The following CACNA1C variants were observed in gnomAD, a reference collection of about 807,000 sequenced individuals.
CACNA1C encodes the protein calcium voltage-gated channel subunit alpha1 C.
In CACNA1C, 30 loss-of-function variants were observed where a neutral mutation model predicts 229.0. That is an observed-to-expected ratio of 0.13 (90% CI 0.10 to 0.18). The LOEUF is 0.18. CACNA1C is among the 10% of genes least tolerant of loss of function. The pLI, the probability that CACNA1C is intolerant of heterozygous loss-of-function variation, is 1.00. For missense variants in CACNA1C, 1,658 were observed against 2,845.0 expected, an observed-to-expected ratio of 0.58 and a Z score of 9.49; for synonymous variants, 1,114 against 1,132.5, an observed-to-expected ratio of 0.98 and a Z score of 0.33.
At chr12:2,457,493 T>C in intron 4 of CACNA1C, 74 bp from the exon 5 acceptor site, 1 of 1,515,858 alleles carries the variant, frequency 6.6e-7, no homozygotes, top group African/African-American at 1.4e-5. Flanking sequence ...CCGGGCTGTA[T>C]CCAGAGGTCA....
intron 1 of CACNA1C, among the ~76,000 whole-genome samples, chr12:2,101,063 A>T (rs111304590): frequency 0.013 from 2,021 of 151,460 alleles, 52 homozygotes; most frequent in African/African-American, 0.046. Flanking sequence ...ACTTTTGTGG[A>T]CCCTGTTTTT....
intron 3 of CACNA1C, among the ~76,000 whole-genome samples, chr12:2,377,436 C>A (rs2098109406): frequency 6.6e-6 from 1 of 152,184 alleles, no homozygotes; most frequent in African/African-American, 2.4e-5. Flanking sequence ...TCACAGCCCT[C>A]AAGGAACTCA....
chr12:2,289,212 G>A (rs548630051), intron 3 of CACNA1C, among the ~76,000 whole-genome samples: 21 of 152,254 alleles, frequency 1.4e-4, no homozygotes, highest in Admixed American at 9.8e-4. Flanking sequence ...TATGAGAGTC[G>A]AGGCACATGC....
chr12:2,422,332 G>A (rs2098987558), intron 3 of CACNA1C, among the ~76,000 whole-genome samples: 1 of 152,168 alleles, frequency 6.6e-6, no homozygotes, highest in Non-Finnish European at 1.5e-5. Context: ...ATAACCCACG[G>A]AGGGCAGAAT....
At chr12:2,298,249 T>C (rs1365797270) in intron 3 of CACNA1C, among the ~76,000 whole-genome samples, 1 of 152,196 alleles carries the variant, frequency 6.6e-6, no homozygotes, top group Admixed American at 6.5e-5. Context: ...AGGAACACAA[T>C]TGCTCATCCT....
rs1004173692 is a variant in CACNA1C, at chr12:2,287,262, A to G, written c.478-161714A>G. 3.9e-5 allele frequency among the ~76,000 whole-genome samples: 6 copies of G among 152,164 alleles called. No homozygotes were observed. Among genetic ancestry groups the G allele is most frequent in the African/African-American group, 1.4e-4 (6 of 41,448 alleles). ...GGGAATGACCTTCCCAAGGGGAGGG[A>G]TCGGGCAAGTATTGAGTCATTCCTG... On this transcript the variant is annotated intron_variant, in intron 3 of 46. Transcript: ENST00000399655. The surrounding 1 kb of genome is among the most constrained non-coding windows in gnomAD (Gnocchi z 4.6).
chr12:2,538,692 C>T (rs2099861645), intron 9 of CACNA1C, among the ~76,000 whole-genome samples: 1 of 152,198 alleles, frequency 6.6e-6, no homozygotes, highest in Non-Finnish European at 1.5e-5. Context: ...ACTCCTAAGA[C>T]TCCAAACTGG....
chr12:2,627,490 C>T (rs1425893951), intron 29 of CACNA1C, among the ~76,000 whole-genome samples: 6 of 152,074 alleles, frequency 3.9e-5, no homozygotes, highest in Non-Finnish European at 7.4e-5. Context: ...ATTCGGCTCT[C>T]ATCATTTCTG....
At position 2,467,200 on chromosome 12, in the gene CACNA1C, G is replaced by C. The variant is rs2154566944; in HGVS notation, c.757+9494G>C. On this transcript the variant is annotated intron_variant, in intron 5 of 46. Transcript: ENST00000399655. The surrounding 1 kb of genome is among the most constrained non-coding windows in gnomAD (Gnocchi z 4.6). ...CCTCCCACTTCTTTCACTGCCACAG[G>C]AAGTACTCAAACCTTGTCCGCTGTA... Among the ~76,000 whole-genome samples, 1 of 152,170 alleles carries C rather than the reference G, an allele frequency of 6.6e-6. No individual in the cohort carries two copies. The highest frequency in any genetic ancestry group is 1.5e-5 in the Non-Finnish European group (1 of 67,994).
At chr12:1,973,671 C>T (rs184920913) in intron 1 of CACNA1C, among the ~76,000 whole-genome samples, 5 of 152,264 alleles carry the variant, frequency 3.3e-5, no homozygotes, top group East Asian at 3.9e-4. Context: ...TCATCGTATA[C>T]TAATTTCCTA....
At chr12:2,101,789 G>A (rs1207434290) in intron 1 of CACNA1C, among the ~76,000 whole-genome samples, 1 of 152,192 alleles carries the variant, frequency 6.6e-6, no homozygotes, top group South Asian at 2.1e-4. Context: ...TGGGGCCACC[G>A]AGAATACTAA....
In CACNA1C at chr12:2,689,131, C is replaced by T. The variant is rs1346235237; in HGVS notation, c.6117+352C>T. 6.6e-6 allele frequency among the ~76,000 whole-genome samples: 1 copy of T among 152,158 alleles called. No individual in the cohort carries two copies. The highest frequency in any genetic ancestry group is 2.4e-5 in the African/African-American group (1 of 41,448). On this transcript the variant is annotated intron_variant, in intron 46 of 46. Coordinates refer to ENST00000399655, the MANE Select transcript of CACNA1C (RefSeq NM_000719.7). The surrounding 1 kb of genome is among the most constrained non-coding windows in gnomAD (Gnocchi z 4.2). ...AGGCCTGACTGCCCGTGAGCATCAC[C>T]TGGGGAGCTTTGGAAACCCGGGACA...
intron 42 of CACNA1C, chr12:2,680,379 A>T (rs1379053934): frequency 1.9e-6 from 3 of 1,555,890 alleles, no homozygotes; most frequent in Non-Finnish European, 2.6e-6. Flanking sequence ...CTGCTGTGAC[A>T]TGCTGGATGG....
chr12:2,028,895 C>A (rs1237445099), intron 1 of CACNA1C, among the ~76,000 whole-genome samples: 1 of 152,206 alleles, frequency 6.6e-6, no homozygotes, highest in Non-Finnish European at 1.5e-5. Flanking sequence ...AAGTTGGAAT[C>A]ATCAGTCTTT....
rs1184161822 is a variant in CACNA1C, at chr12:2,637,967, C to T, written c.3912+3587C>T. 3.9e-5 allele frequency among the ~76,000 whole-genome samples: 6 copies of T among 152,168 alleles called. No individual in the cohort carries two copies. The East Asian group carries it at 9.6e-4, about 24-fold the overall frequency. On this transcript the variant is annotated intron_variant, in intron 30 of 46. Transcript: ENST00000399655. Reference sequence around the variant, plus strand: ...CGTCTCACCTTTTCTCTTTTCCGGGCTATGGGGCCCTCCCTCTCAGGAACC... The same window carrying T: ...CGTCTCACCTTTTCTCTTTTCCGGGTTATGGGGCCCTCCCTCTCAGGAACC...
At chr12:2,110,060 A>T (rs1172072127) in intron 1 of CACNA1C, among the ~76,000 whole-genome samples, 1 of 152,152 alleles carries the variant, frequency 6.6e-6, no homozygotes, top group Non-Finnish European at 1.5e-5. Flanking sequence ...AAGAAAAAAA[A>T]ATTGTTTCAT....
In CACNA1C at chr12:2,677,358, C is replaced by G; in HGVS notation, c.4956+137C>G. 1 of 970,692 alleles carries G rather than the reference C, an allele frequency of 1.0e-6. No homozygotes were observed. The highest frequency in any genetic ancestry group is 2.9e-5 in the Admixed American group (1 of 34,802). The allele number at this position is 970,692 out of a possible 1,614,324, so 60.1% of individuals were successfully genotyped here. ...GGGAACCTTTCAGAGAGCTCCAGAC[C>G]TTTCCAAAGATGGCTGTGAGAAGGG... On this transcript the variant is annotated intron_variant, in intron 40 of 46. Coordinates refer to ENST00000399655, the MANE Select transcript of CACNA1C (RefSeq NM_000719.7). This position sits in a 1 kb window ranked among gnomAD's most constrained non-coding sequence, Gnocchi z 7.4.
intron 7 of CACNA1C, among the ~76,000 whole-genome samples, chr12:2,499,649 G>A (rs969073624): frequency 4.6e-5 from 7 of 152,286 alleles, no homozygotes; most frequent in Middle Eastern, 3.4e-3. Context: ...GGCAGGGGCC[G>A]TCCTGCCAGT....
At chr12:2,061,084 C>G (rs1181602318) in intron 1 of CACNA1C, among the ~76,000 whole-genome samples, 1 of 150,810 alleles carries the variant, frequency 6.6e-6, no homozygotes, top group Non-Finnish European at 1.5e-5. Context: ...GGGTCACATT[C>G]TTTGACTTCA....
Sources: allele counts gnomAD v4.1 joint callset (sites outside exome capture counted in the v4.1 genomes callset), GRCh38; gene constraint gnomAD v4.1.1; non-coding constraint Gnocchi (gnomAD v3.1); transcripts MANE v1.5; gene names NCBI Gene and HGNC (gene_info 2026-07-23, HGNC 2026-07-21).